Variants in STXBP3 observed in about 807,000 individuals in gnomAD.
STXBP3 encodes syntaxin-binding protein 3.
Under a neutral mutation model 85.7 loss-of-function variants are expected in STXBP3, and 41 were observed. That is an observed-to-expected ratio of 0.48 (90% CI 0.37 to 0.62). The LOEUF (loss-of-function observed/expected upper bound fraction) is 0.62, where lower values mean the gene tolerates loss of function less well. Ranked by LOEUF, STXBP3 falls within the 20% of genes least tolerant of loss-of-function variation. The pLI is 0.00. For synonymous variants in STXBP3, 229 were observed against 231.7 expected (o/e 0.99, Z 0.10); for missense variants, 563 against 703.1 (o/e 0.80, Z 2.25).
At chr1:108,789,620 T>C (rs1421647276) in intron 11 of STXBP3, among the ~76,000 whole-genome samples, 1 of 152,250 alleles carries the variant, frequency 6.6e-6, no homozygotes, top group Non-Finnish European at 1.5e-5. Flanking sequence ...TGATTTCTTC[T>C]TTGACCCATG....
chr1:108,775,204 A>T (rs1662560965), intron 7 of STXBP3, among the ~76,000 whole-genome samples: 1 of 152,120 alleles, frequency 6.6e-6, no homozygotes, highest in Admixed American at 6.6e-5. Flanking sequence ...AAAACTTTGA[A>T]GCCCTCACAA....
intron 6 of STXBP3, 55 bp downstream of exon 6, chr1:108,760,140 G>T: frequency 9.8e-7 from 1 of 1,016,326 alleles, no homozygotes; most frequent in South Asian, 1.6e-5. Flanking sequence ...TGGTTTTATG[G>T]CTTATTGTTA....
intron 8 of STXBP3, 56 bp downstream of exon 8, chr1:108,776,479 A>C (rs770114589): frequency 1.5e-6 from 2 of 1,319,708 alleles, no homozygotes; most frequent in Non-Finnish European, 2.1e-6. Flanking sequence ...ATTTCTTTAT[A>C]AGCCAAAGAA....
intron 5 of STXBP3, 46 bp downstream of exon 5, chr1:108,758,634 G>T: frequency 8.8e-7 from 1 of 1,130,588 alleles, no homozygotes; most frequent in Non-Finnish European, 1.2e-6. Context: ...AAATGCCATT[G>T]GTTTTAAACT....
At chr1:108,788,755 C>CTATA (rs1267749908) in intron 11 of STXBP3, among the ~76,000 whole-genome samples, 4 of 151,790 alleles carry the variant, frequency 2.6e-5, no homozygotes, top group Non-Finnish European at 5.9e-5. Context: ...GTTTATTCCC[C>CTATA]TATATATTAT....
intron 16 of STXBP3, among the ~76,000 whole-genome samples, chr1:108,799,573 C>T (rs1189947078): frequency 2.0e-5 from 3 of 152,122 alleles, no homozygotes. Flanking sequence ...TGTGCCCAAT[C>T]CATGTGCCCA....
chr1:108,750,202 A>G (rs889374742), intron 1 of STXBP3, among the ~76,000 whole-genome samples: 9 of 152,078 alleles, frequency 5.9e-5, no homozygotes, highest in African/African-American at 2.2e-4. Context: ...AAAACAAGCA[A>G]ATGTCTTCAA....
intron 11 of STXBP3, among the ~76,000 whole-genome samples, chr1:108,786,280 A>G (rs1557811383): frequency 1.3e-5 from 2 of 152,144 alleles, no homozygotes; most frequent in Non-Finnish European, 2.9e-5. Context: ...AGCCCCTTAT[A>G]AGACCATCGG....
At chr1:108,772,108 A>G (rs1239095652) in intron 6 of STXBP3, among the ~76,000 whole-genome samples, 1 of 137,348 alleles carries the variant, frequency 7.3e-6, no homozygotes, top group African/African-American at 2.6e-5. Flanking sequence ...TATGATATCT[A>G]TCTATATATC....
At chr1:108,768,875 ATCTT>A (rs1291295542) in intron 6 of STXBP3, among the ~76,000 whole-genome samples, 1 of 152,154 alleles carries the variant, frequency 6.6e-6, no homozygotes, top group Non-Finnish European at 1.5e-5. Context: ...TTAAAGAAAG[ATCTT>A]TCTTTCCCTT....
chr1:108,777,358 A>G (rs1207398043), intron 8 of STXBP3, among the ~76,000 whole-genome samples: 1 of 152,150 alleles, frequency 6.6e-6, no homozygotes, highest in Non-Finnish European at 1.5e-5. Flanking sequence ...GAGGGAGTTC[A>G]TTGCATGGAA....
rs539998383 is a variant in STXBP3 at position 108,801,765 on chromosome 1, C to T, written c.1535+1460C>T. Among the ~76,000 whole-genome samples the T allele has an allele frequency of 6.6e-5, 10 of 151,782 alleles. No homozygotes were observed. The South Asian group carries it at 1.0e-3, about 16-fold the overall frequency. ...CTTACTATAAACTCAAACGCATGGGCTCAGGTGAGCCTCCCACCTCAGCCT... is the reference window on the plus strand; with the variant it reads ...CTTACTATAAACTCAAACGCATGGGTTCAGGTGAGCCTCCCACCTCAGCCT... On this transcript the variant is annotated intron_variant, in intron 17 of 18. Coordinates refer to ENST00000370008, the MANE Select transcript of STXBP3 (RefSeq NM_007269.4).
chr1:108,807,118 GGCA>G (rs1663353861), intron 17 of STXBP3, among the ~76,000 whole-genome samples: 1 of 152,094 alleles, frequency 6.6e-6, no homozygotes, highest in African/African-American at 2.4e-5. Context: ...TGGGCATGGT[GGCA>G]CATGCCTGTA....
Position 108,808,773 on chromosome 1 carries a change from C to T in STXBP3, c.1685-10C>T, listed in dbSNP as rs1364676170. On this transcript the variant is annotated splice_polypyrimidine_tract_variant and intron_variant, in intron 18 of 18. Transcript: ENST00000370008. Reference sequence around the variant, plus strand: ...GCTGGCCTCTGAAAAATTCTCTTTTCTCCTACCAGGTTCTACACATGTTTT... The same window carrying T: ...GCTGGCCTCTGAAAAATTCTCTTTTTTCCTACCAGGTTCTACACATGTTTT... 3.7e-6 allele frequency: 6 copies of T among 1,606,906 alleles called. No homozygotes were observed. The highest frequency in any genetic ancestry group is 5.1e-6 in the Non-Finnish European group (6 of 1,175,392).
chr1:108,772,548 A>G (rs1158046035), intron 6 of STXBP3, 117 bp from the exon 7 acceptor site: 2 of 311,374 alleles, frequency 6.4e-6, no homozygotes, highest in Non-Finnish European at 9.8e-6. Flanking sequence ...TATAATATAT[A>G]AATACATATG....
At chr1:108,802,272 C>T (rs1340740092) in intron 17 of STXBP3, among the ~76,000 whole-genome samples, 1 of 152,110 alleles carries the variant, frequency 6.6e-6, no homozygotes, top group African/African-American at 2.4e-5. Flanking sequence ...TGGCACACTC[C>T]TGTAATCCCA....
intron 11 of STXBP3, among the ~76,000 whole-genome samples, chr1:108,789,991 C>A (rs1424928517): frequency 0.01 from 1,245 of 120,594 alleles, no homozygotes; most frequent in East Asian, 0.015. Flanking sequence ...GACTCTGTCT[C>A]AAAAAAAAAA....
At chr1:108,766,393 T>C (rs922355539) in intron 6 of STXBP3, among the ~76,000 whole-genome samples, 5 of 152,224 alleles carry the variant, frequency 3.3e-5, no homozygotes, top group African/African-American at 1.2e-4. Flanking sequence ...ATTAACCATA[T>C]CCAGTTGCTA....
At chr1:108,749,186 A>T (rs1661854588) in intron 1 of STXBP3, among the ~76,000 whole-genome samples, 2 of 152,210 alleles carry the variant, frequency 1.3e-5, no homozygotes, top group African/African-American at 2.4e-5. Context: ...CAGGGAGAAC[A>T]ATCAATATGC....
Sources: gnomAD v4.1 joint callset for allele counts (sites outside exome capture counted in the v4.1 genomes callset) on GRCh38, gnomAD v4.1.1 for gene constraint, MANE v1.5 for transcripts, NCBI Gene and HGNC (gene_info 2026-07-23, HGNC 2026-07-21) for gene names.